The following CAPN6 variants were observed in gnomAD, a reference collection of about 807,000 sequenced individuals.
The protein encoded by CAPN6 is calpain 6.
A neutral mutation model predicts 46.0 loss-of-function variants in CAPN6; 16 were observed. The ratio of observed to expected loss-of-function variants is 0.35; its 90% confidence interval spans 0.24 to 0.53. The LOEUF (loss-of-function observed/expected upper bound fraction) is 0.53. Ranked by LOEUF, CAPN6 falls within the 20% of genes least tolerant of loss-of-function variation. The pLI, the probability that CAPN6 is intolerant of heterozygous loss-of-function variation, is 0.94. For missense variants in CAPN6, 461 were observed against 498.0 expected, an observed-to-expected ratio of 0.93 and a Z score of 0.71; for synonymous variants, 206 against 172.8, an observed-to-expected ratio of 1.19 and a Z score of -1.51.
Position 111,246,272 on chromosome X carries a change from C to A in CAPN6, c.*305G>T. The A allele has an allele frequency of 3.5e-6, 1 of 282,281 alleles. No homozygotes were observed. The highest frequency in any genetic ancestry group is 8.1e-5 in the South Asian group (1 of 12,406). 23.3% of individuals were successfully genotyped at this position (282,281 alleles called of 1,213,427 possible). ...ACATCAAAGACATCTGTAGGGTGTC[C>A]AGCCTCTTGTTATTGTCCTACTTGA... On this transcript the variant is annotated 3_prime_UTR_variant, in exon 13 of 13. Transcript: ENST00000324068.
At chrX:111,252,561 A>C (rs1196130500) in intron 4 of CAPN6, 62 bp from the exon 5 acceptor site, 4 of 926,169 alleles carry the variant, frequency 4.3e-6, no homozygotes, top group Middle Eastern at 2.8e-4. Flanking sequence ...GAACATCATA[A>C]TCTAAAGAAT....
chrX:111,248,107 A>G, intron 10 of CAPN6, 115 bp from the exon 11 acceptor site: 1 of 692,187 alleles, frequency 1.4e-6, no homozygotes, highest in Non-Finnish European at 2.3e-6. Context: ...GACTTAGCCC[A>G]TTCCTCCTCA....
chrX:111,251,502 A>C (rs761390722), intron 6 of CAPN6, 47 bp downstream of exon 6: 2 of 1,056,125 alleles, frequency 1.9e-6, no homozygotes, highest in South Asian at 3.9e-5. Flanking sequence ...GTCTGGGAGA[A>C]CTACAGGGCT....
At chrX:111,248,149 T>A (rs2094976070) in intron 10 of CAPN6, among the ~76,000 whole-genome samples, 157 bp from the exon 11 acceptor site, 1 of 112,578 alleles carries the variant, frequency 8.9e-6, no homozygotes, top group Non-Finnish European at 1.9e-5. Flanking sequence ...AAGCATGCTT[T>A]CCTTTCTCCT....
chrX:111,246,725 A>G lies in CAPN6; in HGVS notation c.1778T>C (p.Leu593Ser). Residue 593 changes from leucine to serine, a missense_variant, in exon 13 of 13, where the codon TTG becomes TCG. Transcript: ENST00000324068. ...GTCAGCATCCAGAGTAACCTGCCCC[A>G]AGAACTGATCACAGAATTTTCGGCT... ...WNSRKFCDQF[L>S]GQVTLDADPS... is the part of the protein sequence containing the mutation. 1 of 1,210,608 alleles carries G rather than the reference A, an allele frequency of 8.3e-7. No individual in the cohort carries two copies. The highest frequency in any genetic ancestry group is 1.8e-5 in the South Asian group (1 of 56,561).
At chrX:111,261,342 A>G (rs748871578) in intron 2 of CAPN6, among the ~76,000 whole-genome samples, 3 of 112,567 alleles carry the variant, frequency 2.7e-5, no homozygotes, top group Non-Finnish European at 5.6e-5. Context: ...ATCTACTGCT[A>G]TTTTTTAAAC....
At chrX:111,262,482 G>A (rs1241714166) in intron 2 of CAPN6, among the ~76,000 whole-genome samples, 1 of 111,721 alleles carries the variant, frequency 9.0e-6, no homozygotes, top group East Asian at 2.8e-4. Flanking sequence ...GGTTACTTGA[G>A]GGAGGCAAAC....
At position 111,251,192 on chromosome X, in the gene CAPN6, C is replaced by T; in HGVS notation, c.971+17G>A. On this transcript the variant is annotated intron_variant, in intron 7 of 12. Transcript: ENST00000324068. Reference sequence around the variant, plus strand: ...TGTAGAAGCCCCAATTCCCTTAGTGCAGAAACCCCTCCTCACCAAAACTCT... The same window carrying T: ...TGTAGAAGCCCCAATTCCCTTAGTGTAGAAACCCCTCCTCACCAAAACTCT... 1 of 1,208,171 alleles carries T rather than the reference C, an allele frequency of 8.3e-7. No homozygotes were observed. The highest frequency in any genetic ancestry group is 1.7e-5 in the African/African-American group (1 of 57,328).
At chrX:111,251,978 T>G (rs765844479) in intron 5 of CAPN6, among the ~76,000 whole-genome samples, 4 of 112,273 alleles carry the variant, frequency 3.6e-5, no homozygotes, top group Non-Finnish European at 5.6e-5. Context: ...TAATATGAAC[T>G]GCCATAAAAT....
Position 111,253,230 on chromosome X carries a change from A to G in CAPN6, c.298-14T>C. 4 of 1,159,051 alleles carry G rather than the reference A, an allele frequency of 3.5e-6. No individual in the cohort carries two copies. Among genetic ancestry groups the G allele is most frequent in the Non-Finnish European group, 3.5e-6 (3 of 847,774 alleles). On this transcript the variant is annotated splice_polypyrimidine_tract_variant and intron_variant, in intron 3 of 12. Transcript: ENST00000324068. ...GTTGGGAATTGTCTAGAAATGCAAG[A>G]ACATTTAATCAAGTGTTATTCACCA...
Position 111,254,242 on chromosome X carries a change from C to G in CAPN6, c.297+30G>C, listed in dbSNP as rs776777677. On this transcript the variant is annotated intron_variant, in intron 3 of 12. Transcript: ENST00000324068. ...ATTAAAGAAGACAAGAAAGTGGAAA[C>G]TGAATGAGGTCCCACAGGAGGGATA... 24 of 1,140,337 alleles carry G rather than the reference C, an allele frequency of 2.1e-5. No individual in the cohort carries two copies. In the South Asian group the frequency reaches 5.1e-4, roughly 24 times the overall value. The allele number at this position is 1,140,337 out of a possible 1,213,427, so 94.0% of individuals were successfully genotyped here. A position where few individuals can be genotyped will look rare whatever the true frequency, so the allele number is the denominator to read the frequency against.
At chrX:111,269,234 G>C (rs2094994225) in intron 1 of CAPN6, among the ~76,000 whole-genome samples, 1 of 111,493 alleles carries the variant, frequency 9.0e-6, no homozygotes, top group Admixed American at 9.5e-5. Flanking sequence ...GACAAATAAA[G>C]AACGCTATTT....
chrX:111,270,187 A>G (rs1052603108), intron 1 of CAPN6, among the ~76,000 whole-genome samples, 184 bp downstream of exon 1: 5 of 111,904 alleles, frequency 4.5e-5, no homozygotes, highest in Non-Finnish European at 7.5e-5. Flanking sequence ...CCAACCAAAA[A>G]TTCCATTATT....
intron 12 of CAPN6, 37 bp from the exon 13 acceptor site, chrX:111,246,796 C>A: frequency 8.9e-7 from 1 of 1,117,535 alleles, no homozygotes; most frequent in South Asian, 2.0e-5. Context: ...GATGAGCAGC[C>A]CTCAGTGAGA....
At chrX:111,259,041 G>A (rs1168041278) in intron 2 of CAPN6, among the ~76,000 whole-genome samples, 1 of 111,862 alleles carries the variant, frequency 8.9e-6, no homozygotes, top group Non-Finnish European at 1.9e-5. Flanking sequence ...TGGGGGTAGG[G>A]TGGAGGGATT....
chrX:111,269,682 C>A (rs189126613), intron 1 of CAPN6, among the ~76,000 whole-genome samples: 2 of 111,722 alleles, frequency 1.8e-5, no homozygotes, highest in African/African-American at 3.3e-5. Flanking sequence ...AGGATGGAGC[C>A]CCATCTTGAA....
At chrX:111,252,938 C>A in intron 4 of CAPN6, 70 bp downstream of exon 4, 1 of 917,674 alleles carries the variant, frequency 1.1e-6, no homozygotes, top group Admixed American at 2.4e-5. Flanking sequence ...AGAGAATGAG[C>A]TCCCAAAGAT....
At chrX:111,251,981 C>A (rs771634976) in intron 5 of CAPN6, among the ~76,000 whole-genome samples, 1 of 112,151 alleles carries the variant, frequency 8.9e-6, no homozygotes, top group Admixed American at 9.4e-5. Context: ...TATGAACTGC[C>A]ATAAAATTTG....
intron 2 of CAPN6, among the ~76,000 whole-genome samples, chrX:111,259,426 T>A (rs1354160491): frequency 1.8e-5 from 2 of 112,263 alleles, no homozygotes; most frequent in Non-Finnish European, 3.8e-5. Context: ...TGGTTGGAAA[T>A]TTCTATTAGC....
Sources: allele counts gnomAD v4.1 joint callset (sites outside exome capture counted in the v4.1 genomes callset), GRCh38; gene constraint gnomAD v4.1.1; transcripts MANE v1.5; gene names NCBI Gene and HGNC (gene_info 2026-07-23, HGNC 2026-07-21).